The following CCNY variants were observed in gnomAD, a reference collection of about 807,000 sequenced individuals.
CCNY encodes the protein cyclin Y.
Under a neutral mutation model 42.8 loss-of-function variants are expected in CCNY, and 19 were observed. The observed-to-expected ratio is 0.44, with a 90% CI of 0.31 to 0.65. CCNY has a LOEUF of 0.65. CCNY is among the 30% of genes least tolerant of loss of function. The pLI is 0.07. For missense variants in CCNY, 370 were observed against 437.3 expected, an observed-to-expected ratio of 0.85 and a Z score of 1.37; for synonymous variants, 165 against 162.7, an observed-to-expected ratio of 1.01 and a Z score of -0.11.
intron 1 of CCNY, among the ~76,000 whole-genome samples, chr10:35,379,538 T>C (rs184046985): frequency 3.3e-5 from 5 of 152,216 alleles, no homozygotes; most frequent in African/African-American, 1.2e-4. Context: ...GGGAAGTGAT[T>C]GAGTGAGCTA....
intron 1 of CCNY, among the ~76,000 whole-genome samples, chr10:35,381,963 A>G (rs543639065): frequency 6.6e-6 from 1 of 152,348 alleles, no homozygotes; most frequent in South Asian, 2.1e-4. Context: ...CACATTTAAG[A>G]CAGTTGTTTT....
chr10:35,302,791 TA>T (rs1376783498), intron 3 of CCNY, among the ~76,000 whole-genome samples: 2 of 152,134 alleles, frequency 1.3e-5, no homozygotes, highest in Non-Finnish European at 2.9e-5. Flanking sequence ...CATGAACACA[TA>T]AGGCTGAGTA....
intron 3 of CCNY, among the ~76,000 whole-genome samples, chr10:35,265,727 T>C (rs2095724499): frequency 1.3e-5 from 2 of 152,240 alleles, no homozygotes; most frequent in South Asian, 4.1e-4. Context: ...GTTTCCTTAG[T>C]GGTTAAGGAG....
intron 1 of CCNY, among the ~76,000 whole-genome samples, chr10:35,401,652 G>A (rs1477695024): frequency 6.6e-6 from 1 of 151,856 alleles, no homozygotes; most frequent in Non-Finnish European, 1.5e-5. Flanking sequence ...CTTTGTGTGA[G>A]CAACAAGGCT....
intron 2 of CCNY, among the ~76,000 whole-genome samples, chr10:35,499,515 C>T (rs922945604): frequency 6.6e-6 from 1 of 152,164 alleles, no homozygotes; most frequent in African/African-American, 2.4e-5. Flanking sequence ...GACTTATAGT[C>T]AGAACTATTG....
intron 3 of CCNY, among the ~76,000 whole-genome samples, chr10:35,514,208 T>C (rs1486512609): frequency 6.6e-6 from 1 of 152,198 alleles, no homozygotes; most frequent in Non-Finnish European, 1.5e-5. Flanking sequence ...ATGAGTCTTG[T>C]AGTCCTGACA....
At chr10:35,486,062 T>A (rs1422584960) in intron 2 of CCNY, among the ~76,000 whole-genome samples, 1 of 152,182 alleles carries the variant, frequency 6.6e-6, no homozygotes, top group Non-Finnish European at 1.5e-5. Flanking sequence ...ATCTTTACAA[T>A]GAAGGCTGTA....
chr10:35,552,061 C>A (rs569813792), intron 7 of CCNY, among the ~76,000 whole-genome samples: 2 of 152,346 alleles, frequency 1.3e-5, no homozygotes, highest in East Asian at 1.9e-4. Flanking sequence ...CAAACAGATA[C>A]TTGTACACCA....
chr10:35,563,010 A>G (rs1208900328), intron 8 of CCNY, among the ~76,000 whole-genome samples: 2 of 151,530 alleles, frequency 1.3e-5, no homozygotes, highest in South Asian at 2.1e-4. Flanking sequence ...ATTTCTTACA[A>G]CGTTTTACAC....
At chr10:35,343,801 T>A (rs566787319) in intron 1 of CCNY, among the ~76,000 whole-genome samples, 6 of 152,356 alleles carry the variant, frequency 3.9e-5, no homozygotes, top group Admixed American at 3.9e-4. Context: ...GATATGTGTG[T>A]GGCTTTGAAA....
At chr10:35,444,412 T>C (rs1838746899) in intron 1 of CCNY, among the ~76,000 whole-genome samples, 1 of 152,156 alleles carries the variant, frequency 6.6e-6, no homozygotes, top group African/African-American at 2.4e-5. Context: ...CACGCCCAGC[T>C]AATTTTTGTA....
intron 3 of CCNY, among the ~76,000 whole-genome samples, chr10:35,298,225 T>C (rs1835494002): frequency 6.6e-6 from 1 of 152,220 alleles, no homozygotes; most frequent in African/African-American, 2.4e-5. Context: ...CACCTTTCAA[T>C]GAGTTTTCAC....
intron 1 of CCNY, among the ~76,000 whole-genome samples, chr10:35,379,139 G>A (rs1837120617): frequency 1.3e-5 from 2 of 152,218 alleles, no homozygotes; most frequent in South Asian, 2.1e-4. Context: ...TACCAAGAGA[G>A]TAAGAAAAGG....
chr10:35,486,634 C>G (rs973607116), intron 2 of CCNY, among the ~76,000 whole-genome samples: 8 of 152,184 alleles, frequency 5.3e-5, no homozygotes, highest in Non-Finnish European at 8.8e-5. Context: ...CTCAAGGGCT[C>G]CCCAGTTGCT....
chr10:35,425,622 A>T (rs553473056), intron 1 of CCNY, among the ~76,000 whole-genome samples: 7 of 152,330 alleles, frequency 4.6e-5, no homozygotes, highest in Admixed American at 3.3e-4. Flanking sequence ...GAATGCACCA[A>T]TGTTTGTTTA....
intron 7 of CCNY, among the ~76,000 whole-genome samples, chr10:35,536,082 T>C (rs1840880654): frequency 2.0e-5 from 3 of 152,216 alleles, no homozygotes; most frequent in Non-Finnish European, 2.9e-5. Flanking sequence ...GAATTGTATG[T>C]CTCATAACTC....
chr10:35,493,017 G>T (rs1026595855), intron 2 of CCNY, among the ~76,000 whole-genome samples: 1 of 152,056 alleles, frequency 6.6e-6, no homozygotes, highest in African/African-American at 2.4e-5. Flanking sequence ...CAGGTATCAG[G>T]TTTCTTGGCC....
chr10:35,279,728 A>C (rs1475216120), intron 3 of CCNY, among the ~76,000 whole-genome samples: 2 of 152,084 alleles, frequency 1.3e-5, no homozygotes, highest in Non-Finnish European at 2.9e-5. Flanking sequence ...TGACCACAGC[A>C]CCCTTCAGGA....
At chr10:35,460,563 T>G (rs1030668675) in intron 1 of CCNY, among the ~76,000 whole-genome samples, 11 of 152,242 alleles carry the variant, frequency 7.2e-5, no homozygotes, top group African/African-American at 2.7e-4. Flanking sequence ...ATTCATTCAG[T>G]AAGCATCAAG....
Sources: allele counts gnomAD v4.1 joint callset (sites outside exome capture counted in the v4.1 genomes callset), GRCh38; gene constraint gnomAD v4.1.1; transcripts MANE v1.5; gene names NCBI Gene and HGNC (gene_info 2026-07-23, HGNC 2026-07-21).